SCARA3: variants seen among roughly 807,000 people sequenced by gnomAD.
SCARA3 encodes the protein scavenger receptor class A member 3, also known as cellular stress response gene protein.
In SCARA3, 39 loss-of-function variants were observed where a neutral mutation model predicts 47.0. The observed-to-expected ratio is 0.83, with a 90% confidence interval of 0.64 to 1.08. The LOEUF is 1.08. Among genes scored for constraint, SCARA3 ranks in the 50% least tolerant of loss-of-function variants. The pLI, the probability that SCARA3 is intolerant of heterozygous loss-of-function variation, is 0.00. For missense variants in SCARA3, 724 were observed against 792.3 expected (o/e 0.91, Z 1.04); for synonymous variants, 356 against 334.1 (o/e 1.07, Z -0.71).
At chr8:27,692,846 C>T in the SCARA3 span, among the ~76,000 whole-genome samples, 4 of 151,992 alleles carry the variant, frequency 2.6e-5, no homozygotes, top group African/African-American at 9.7e-5. Flanking sequence ...TAATCTAGGC[C>T]GGGTATGGTG....
At chr8:27,696,951 A>G in the SCARA3 span, among the ~76,000 whole-genome samples, 1 of 152,192 alleles carries the variant, frequency 6.6e-6, no homozygotes, top group East Asian at 1.9e-4. Flanking sequence ...ATGTTCTAAA[A>G]TGATATCATG....
downstream of SCARA3, among the ~76,000 whole-genome samples, chr8:27,679,657 C>T (rs1400810333): frequency 6.6e-6 from 1 of 152,114 alleles, no homozygotes; most frequent in Non-Finnish European, 1.5e-5. Flanking sequence ...CCAACAACTC[C>T]AGAACATACA....
the SCARA3 span, among the ~76,000 whole-genome samples, chr8:27,720,778 CT>C: frequency 2.6e-5 from 4 of 151,462 alleles, no homozygotes; most frequent in African/African-American, 7.3e-5. Context: ...CCACCCACCC[CT>C]CTATTCATCC....
the SCARA3 span, among the ~76,000 whole-genome samples, chr8:27,690,045 C>T: frequency 2.0e-5 from 3 of 152,180 alleles, no homozygotes; most frequent in South Asian, 4.1e-4. Flanking sequence ...AGAGAGGCTA[C>T]CTTTTCCAGT....
At chr8:27,654,867 G>A (rs985204448) in intron 3 of SCARA3, among the ~76,000 whole-genome samples, 1 of 152,046 alleles carries the variant, frequency 6.6e-6, no homozygotes, top group African/African-American at 2.4e-5. Context: ...AGTGAGCCTC[G>A]GCTGTTGGCT....
downstream of SCARA3, among the ~76,000 whole-genome samples, chr8:27,675,437 C>A (rs2128924971): frequency 6.6e-6 from 1 of 152,316 alleles, no homozygotes; most frequent in Admixed American, 6.5e-5. Context: ...CTTTGTTTTG[C>A]TTGCCTTCTT....
At chr8:27,665,285 T>G (rs1197553157) in intron 5 of SCARA3, among the ~76,000 whole-genome samples, 1 of 152,222 alleles carries the variant, frequency 6.6e-6, no homozygotes, top group East Asian at 1.9e-4. Context: ...CCAGCTGATC[T>G]CTGAGAACTA....
intron 3 of SCARA3, among the ~76,000 whole-genome samples, chr8:27,654,521 G>A (rs1410817540): frequency 6.6e-6 from 1 of 152,182 alleles, no homozygotes; most frequent in Non-Finnish European, 1.5e-5. Flanking sequence ...CACCTTGGGA[G>A]GCCAAGGTGG....
chr8:27,646,001 T>G (rs1032595881), intron 1 of SCARA3, among the ~76,000 whole-genome samples: 1 of 152,258 alleles, frequency 6.6e-6, no homozygotes, highest in South Asian at 2.1e-4. Context: ...CACAAATGCT[T>G]TGGATTATGT....
At chr8:27,639,316 G>A (rs914686432) in intron 1 of SCARA3, among the ~76,000 whole-genome samples, 4 of 152,194 alleles carry the variant, frequency 2.6e-5, no homozygotes, top group African/African-American at 7.2e-5. Context: ...CATCCAGGCA[G>A]ATGCCACAAA....
At chr8:27,670,835 A>G (rs1377161928) in intron 5 of SCARA3, 65 bp from the exon 6 acceptor site, 6 of 1,392,204 alleles carry the variant, frequency 4.3e-6, no homozygotes, top group African/African-American at 1.5e-5. Flanking sequence ...CGCTCTGCTC[A>G]TGGGCGAGCC....
At chr8:27,688,399 C>CA in the SCARA3 span, among the ~76,000 whole-genome samples, 6,946 of 138,554 alleles carry the variant, frequency 0.05, 184 homozygotes, top group African/African-American at 0.063. Flanking sequence ...TTGATATTGG[C>CA]AAAAAAAAAA....
At chr8:27,654,428 G>A (rs1236491192) in intron 3 of SCARA3, among the ~76,000 whole-genome samples, 2 of 152,070 alleles carry the variant, frequency 1.3e-5, no homozygotes, top group Non-Finnish European at 2.9e-5. Context: ...GGCTTAAAAA[G>A]CAAATATATA....
chr8:27,724,279 A>G, the SCARA3 span, among the ~76,000 whole-genome samples: 2 of 152,336 alleles, frequency 1.3e-5, no homozygotes, highest in East Asian at 1.9e-4. Context: ...AATATATTTT[A>G]TCTGGCTCTA....
chr8:27,660,609 A>G lies in SCARA3; in HGVS notation c.1369+1070A>G, dbSNP rs551936371. On this transcript the variant is annotated intron_variant, in intron 5 of 5. Transcript: ENST00000301904. ...GATCCAGAGAAGCAATCAATAGCAT[A>G]GAGATAGATGATAGATAGATAGATA... is the stretch of plus-strand genomic sequence containing the variant. 7.1e-5 allele frequency among the ~76,000 whole-genome samples: 10 copies of G among 140,932 alleles called. No individual in the cohort carries two copies. The East Asian group carries it at 2.1e-3, about 30-fold the overall frequency. The allele number at this position is 140,932 out of a possible 152,430, so 92.5% of individuals were successfully genotyped here.
intron 2 of SCARA3, among the ~76,000 whole-genome samples, chr8:27,650,511 A>G (rs1801609026): frequency 6.6e-6 from 1 of 152,160 alleles, no homozygotes; most frequent in East Asian, 1.9e-4. Context: ...GTTGTTCTCA[A>G]CCTTGGCTCT....
At position 27,671,026 on chromosome 8, in the gene SCARA3, G is replaced by A; in HGVS notation, c.1496G>A (p.Gly499Glu). ...CCCCTGGGACCCCAGGGTCCTCAGG[G>A]GCAACCTGGAGAGGCCGGGCCTGTG... ...LGPLGPQGPQ[G>E]QPGEAGPVGE... Residue 499 changes from glycine (G) to glutamate (E), a missense_variant, in exon 6 of 6, where the codon GGG (glycine) becomes GAG (glutamate). By Grantham distance (98) the Gly-to-Glu change is moderately conservative (BLOSUM62 -2). Coordinates refer to ENST00000301904, the MANE Select transcript of SCARA3 (RefSeq NM_016240.3). 1 of 1,612,024 alleles carries A rather than the reference G, an allele frequency of 6.2e-7. No homozygotes were observed. Among genetic ancestry groups the A allele is most frequent in the Non-Finnish European group, 8.5e-7 (1 of 1,179,532 alleles).
chr8:27,639,417 G>A (rs962656232), intron 1 of SCARA3, among the ~76,000 whole-genome samples: 4 of 152,194 alleles, frequency 2.6e-5, no homozygotes, highest in Admixed American at 6.5e-5. Context: ...AAAGGCTTCA[G>A]GGAGGAGCTG....
intron 5 of SCARA3, among the ~76,000 whole-genome samples, chr8:27,670,108 C>T (rs1303480790): frequency 6.6e-6 from 1 of 152,160 alleles, no homozygotes; most frequent in Non-Finnish European, 1.5e-5. Flanking sequence ...CCCGCAGGCC[C>T]TCATGCAGAG....
Sources: gnomAD v4.1 joint callset for allele counts (sites outside exome capture counted in the v4.1 genomes callset) on GRCh38, gnomAD v4.1.1 for gene constraint, MANE v1.5 for transcripts, NCBI Gene and HGNC (gene_info 2026-07-23, HGNC 2026-07-21) for gene names.